WSCD1: variants seen among roughly 807,000 people sequenced by gnomAD.
WSCD1 encodes sialate:O-sulfotransferase 1.
A neutral mutation model predicts 60.4 loss-of-function variants in WSCD1; 41 were observed. The observed-to-expected ratio is 0.68, with a 90% CI of 0.53 to 0.88. WSCD1 has a LOEUF of 0.88. Among genes scored for constraint, WSCD1 ranks in the 40% least tolerant of loss-of-function variants. WSCD1 has a pLI of 0.00. For missense variants in WSCD1, 784 were observed against 796.2 expected, an observed-to-expected ratio of 0.98 and a Z score of 0.18; for synonymous variants, 361 against 332.5, an observed-to-expected ratio of 1.09 and a Z score of -0.93.
At chr17:6,071,352 G>A (rs544103930) in intron 1 of WSCD1, among the ~76,000 whole-genome samples, 2 of 152,244 alleles carry the variant, frequency 1.3e-5, no homozygotes, top group East Asian at 3.9e-4. Flanking sequence ...GCATTTGTGC[G>A]CCTGGGATGA....
intron 4 of WSCD1, among the ~76,000 whole-genome samples, chr17:6,091,983 C>CT (rs2086948408): frequency 6.6e-6 from 1 of 152,092 alleles, no homozygotes; most frequent in Admixed American, 6.5e-5. Context: ...GGTGAAAACC[C>CT]GTCTCTACTA....
intron 5 of WSCD1, among the ~76,000 whole-genome samples, chr17:6,102,813 T>C (rs925502886): frequency 6.6e-6 from 1 of 152,296 alleles, no homozygotes; most frequent in East Asian, 1.9e-4. Context: ...ATTTAGGCCA[T>C]TTCCTTTCTT....
At position 6,080,806 on chromosome 17, in the gene WSCD1, G is replaced by A. The variant is rs750988182; in HGVS notation, c.148G>A (p.Gly50Ser). Residue 50 changes from glycine to serine, a missense_variant, in exon 2 of 9, where the codon GGC (glycine) becomes AGC (serine). Physicochemically the swap from Gly to Ser is moderately conservative, Grantham distance 56. Coordinates refer to ENST00000317744, the MANE Select transcript of WSCD1 (RefSeq NM_015253.2). The surrounding 1 kb of genome is among the most constrained non-coding windows in gnomAD (Gnocchi z 6.6). ...TCTCCCACAGGGCCCCCGGGCACCCGGCCCCCTGCAGACCTTGCCAGTGGC... is the reference window on the plus strand; with the variant it reads ...TCTCCCACAGGGCCCCCGGGCACCCAGCCCCCTGCAGACCTTGCCAGTGGC... The part of the protein sequence containing the change: ...VALPQGPRAP[G>S]PLQTLPVAAV... 27 of 1,609,180 alleles carry A rather than the reference G, an allele frequency of 1.7e-5. No homozygotes were observed. In the Admixed American group the frequency reaches 3.5e-4, roughly 21 times the overall value.
Position 6,075,543 on chromosome 17 carries a change from G to A in WSCD1, c.-288-4828G>A, listed in dbSNP as rs1908797150. 1.3e-5 allele frequency among the ~76,000 whole-genome samples: 2 copies of A among 152,118 alleles called. No individual in the cohort carries two copies. The highest frequency in any genetic ancestry group is 4.1e-4 in the South Asian group (2 of 4,822). Reference sequence around the variant, plus strand: ...GATGGCAACAAAGTAATAGACAAAAGCTCAGGTTGTCTGAATATCCAGGTG... The same window carrying A: ...GATGGCAACAAAGTAATAGACAAAAACTCAGGTTGTCTGAATATCCAGGTG... On this transcript the variant is annotated intron_variant, in intron 1 of 8. Transcript: ENST00000317744. This position sits in a 1 kb window ranked among gnomAD's most constrained non-coding sequence, Gnocchi z 4.1.
Position 6,078,621 on chromosome 17 carries a change from G to A in WSCD1, c.-288-1750G>A, listed in dbSNP as rs560318923. Among the ~76,000 whole-genome samples the A allele has an allele frequency of 7.9e-5, 12 of 152,242 alleles. No homozygotes were observed. In the East Asian group the frequency reaches 2.3e-3, roughly 29 times the overall value. On this transcript the variant is annotated intron_variant, in intron 1 of 8. Transcript: ENST00000317744. ...ATGCATGCGTGTGCATGTGAGATGG[G>A]GAAGCCAAAGGAAGAGACCTGGCAA...
At chr17:6,081,839 G>T (rs1355789014) in intron 2 of WSCD1, 1 of 152,170 alleles carries the variant, frequency 6.6e-6, no homozygotes, top group African/African-American at 2.4e-5. Context: ...CACAAAGTGG[G>T]GTCCCTGACC....
intron 5 of WSCD1, among the ~76,000 whole-genome samples, chr17:6,095,811 G>T (rs902315856): frequency 6.6e-6 from 1 of 152,202 alleles, no homozygotes; most frequent in African/African-American, 2.4e-5. Flanking sequence ...AAGCAAGGCT[G>T]GGGGAGACCC....
intron 2 of WSCD1, among the ~76,000 whole-genome samples, chr17:6,086,829 C>G (rs1042613448): frequency 6.6e-6 from 1 of 152,172 alleles, no homozygotes; most frequent in African/African-American, 2.4e-5. Flanking sequence ...CTCCCTTGCC[C>G]TCACGGAGCA....
rs1289342093 is a variant in WSCD1 at position 6,101,459 on chromosome 17, C to G, written c.849+6236C>G. ...GAAACAGGAAAAGAGGAGGGGGTTC[C>G]TTGTAGTGCCCCCACCTTTGAGCAC... On this transcript the variant is annotated intron_variant, in intron 5 of 8. Transcript: ENST00000317744. This position sits in a 1 kb window ranked among gnomAD's most constrained non-coding sequence, Gnocchi z 4.1. 2.6e-5 allele frequency among the ~76,000 whole-genome samples: 4 copies of G among 151,996 alleles called. No individual in the cohort carries two copies. The highest frequency in any genetic ancestry group is 5.9e-5 in the Non-Finnish European group (4 of 67,988).
intron 3 of WSCD1, among the ~76,000 whole-genome samples, chr17:6,089,790 C>T (rs1428370727): frequency 6.6e-6 from 1 of 152,194 alleles, no homozygotes. Flanking sequence ...GTAACCACGG[C>T]ACTCTGCAGG....
chr17:6,123,914 C>T lies in WSCD1; in HGVS notation c.*3253C>T, dbSNP rs2150576928. On this transcript the variant is annotated 3_prime_UTR_variant, in exon 9 of 9. Coordinates refer to ENST00000317744, the MANE Select transcript of WSCD1 (RefSeq NM_015253.2). ...TTTCCCATCTCCAGTCTCAGTTTCC[C>T]ATCCATAAAATGGGGGAAGTGGTAG... The T allele has an allele frequency of 6.6e-6, 1 of 152,314 alleles. No homozygotes were observed. The highest frequency in any genetic ancestry group is 1.5e-5 in the Non-Finnish European group (1 of 68,032). The allele number at this position is 152,314 out of a possible 1,614,324, so 9.4% of individuals were successfully genotyped here.
intron 4 of WSCD1, among the ~76,000 whole-genome samples, chr17:6,091,773 C>G (rs1390717694): frequency 6.6e-6 from 1 of 152,144 alleles, no homozygotes. Flanking sequence ...AGCCCAGGGT[C>G]CAGGCTCACC....
intron 7 of WSCD1, among the ~76,000 whole-genome samples, chr17:6,114,216 G>A (rs182268831): frequency 3.5e-4 from 53 of 151,468 alleles, no homozygotes; most frequent in Non-Finnish European, 6.0e-4. Flanking sequence ...GAGCCTAAGG[G>A]ACATTATGTT....
chr17:6,083,904 C>T (rs1250879549), intron 2 of WSCD1, among the ~76,000 whole-genome samples: 2 of 152,138 alleles, frequency 1.3e-5, no homozygotes, highest in Non-Finnish European at 2.9e-5. Context: ...TTAAGTTACC[C>T]CTAATGACTT....
In WSCD1 at chr17:6,071,130, T is replaced by G. The variant is rs564751642; in HGVS notation, c.-289+478T>G. On this transcript the variant is annotated intron_variant, in intron 1 of 8. Transcript: ENST00000317744. ...TCCGGTCAGCGGAGGGTTTGCTCCG[T>G]CTCTTGGTGAACTTGAACAGAGGCA... The G allele has an allele frequency of 2.0e-5, 3 of 152,328 alleles. No homozygotes were observed. The South Asian group carries it at 6.2e-4, about 32-fold the overall frequency. The allele number at this position is 152,328 out of a possible 1,614,324, so 9.4% of individuals were successfully genotyped here.
At position 6,119,457 on chromosome 17, in the gene WSCD1, CAA is replaced by C. The variant is rs1416400138; in HGVS notation, c.1376-850_1376-849del. ...GATGTGAAATGAAGTTGGTCAGAAACAAAGCAGTGTCCAGGCAGGGTGGGGTG... is the reference window on the plus strand; with the variant it reads ...GATGTGAAATGAAGTTGGTCAGAAACAGCAGTGTCCAGGCAGGGTGGGGTG... On this transcript the variant is annotated intron_variant, in intron 8 of 8. Transcript: ENST00000317744. Among the ~76,000 whole-genome samples, 4 of 152,346 alleles carry C rather than the reference CAA, an allele frequency of 2.6e-5. No homozygotes were observed. The East Asian group carries it at 7.7e-4, about 29-fold the overall frequency.
At chr17:6,087,126 C>T (rs558983641) in intron 2 of WSCD1, among the ~76,000 whole-genome samples, 58 of 152,312 alleles carry the variant, frequency 3.8e-4, no homozygotes, top group Middle Eastern at 3.4e-3. Context: ...AATTCCCATG[C>T]CGCTCCTTCA....
chr17:6,097,492 G>A (rs930972936), intron 5 of WSCD1, among the ~76,000 whole-genome samples: 1 of 152,312 alleles, frequency 6.6e-6, no homozygotes, highest in South Asian at 2.1e-4. Flanking sequence ...CCGCCCTTCT[G>A]CACTGAACTC....
At chr17:6,084,159 C>T (rs1276676224) in intron 2 of WSCD1, among the ~76,000 whole-genome samples, 1 of 152,226 alleles carries the variant, frequency 6.6e-6, no homozygotes, top group Non-Finnish European at 1.5e-5. Flanking sequence ...AATGTGATTC[C>T]AGTGCCAAAT....
Sources: gnomAD v4.1 joint callset for allele counts (sites outside exome capture counted in the v4.1 genomes callset) on GRCh38, gnomAD v4.1.1 for gene constraint, Gnocchi (gnomAD v3.1) non-coding constraint, MANE v1.5 for transcripts, NCBI Gene and HGNC (gene_info 2026-07-23, HGNC 2026-07-21) for gene names.